CDH13: variants seen among roughly 807,000 people sequenced by gnomAD.
The protein encoded by CDH13 is cadherin-13.
Under a neutral mutation model 63.8 loss-of-function variants are expected in CDH13, and 24 were observed. The observed-to-expected ratio is 0.38, with a 90% CI of 0.27 to 0.53. The LOEUF is 0.53. Ranked by LOEUF, CDH13 falls within the 20% of genes least tolerant of loss-of-function variation. The pLI is 0.85. For missense variants in CDH13, 1,049 were observed against 903.1 expected (o/e 1.16, Z -2.07); for synonymous variants, 503 against 355.3 (o/e 1.42, Z -4.67).
At chr16:83,243,069 T>G (rs575810124) in intron 5 of CDH13, among the ~76,000 whole-genome samples, 1 of 152,274 alleles carries the variant, frequency 6.6e-6, no homozygotes, top group South Asian at 2.1e-4. Context: ...GGTGAGTAAT[T>G]GGTACAGCCA....
At chr16:82,792,933 G>A (rs8051796) in intron 1 of CDH13, among the ~76,000 whole-genome samples, 1,995 of 151,718 alleles carry the variant, frequency 0.013, 17 homozygotes, top group Non-Finnish European at 0.022. Flanking sequence ...TTGGAGGGAC[G>A]ACAGCATTGG....
At chr16:83,294,354 A>G (rs1184247586) in intron 5 of CDH13, among the ~76,000 whole-genome samples, 1 of 152,104 alleles carries the variant, frequency 6.6e-6, no homozygotes, top group East Asian at 1.9e-4. Flanking sequence ...TCCAATTGAA[A>G]TGTTCTATCT....
intron 5 of CDH13, among the ~76,000 whole-genome samples, chr16:83,287,011 G>A (rs1192741412): frequency 2.0e-5 from 3 of 151,924 alleles, no homozygotes; most frequent in Non-Finnish European, 4.4e-5. Context: ...CCTTTCATCT[G>A]GAAGATAATG....
rs1338041202 is a variant in CDH13 at position 82,797,611 on chromosome 16, C to T, written c.46-60751C>T. Among the ~76,000 whole-genome samples the T allele has an allele frequency of 2.6e-5, 4 of 152,138 alleles. No homozygotes were observed. The South Asian group carries it at 8.3e-4, about 31-fold the overall frequency. ...GAAAACAAAGAGACTTCCTCCACTC[C>T]ATGCAAACACATGTTGATTCTCATT... On this transcript the variant is annotated intron_variant, in intron 1 of 13. Transcript: ENST00000567109.
chr16:83,774,875 A>G (rs2151002263), intron 11 of CDH13, among the ~76,000 whole-genome samples: 1 of 152,320 alleles, frequency 6.6e-6, no homozygotes, highest in Admixed American at 6.5e-5. Context: ...TGTTCCCACA[A>G]CAATTTGAAT....
chr16:83,596,705 A>G (rs891021887), intron 7 of CDH13, among the ~76,000 whole-genome samples: 7 of 152,144 alleles, frequency 4.6e-5, no homozygotes, highest in African/African-American at 1.7e-4. Context: ...GGTCAGAGGC[A>G]AGTGGAAGGT....
At chr16:83,687,051 A>C (rs533880156) in intron 10 of CDH13, among the ~76,000 whole-genome samples, 49 of 152,136 alleles carry the variant, frequency 3.2e-4, no homozygotes, top group Non-Finnish European at 6.6e-4. Context: ...CTGTACTAAA[A>C]ATACAAAAAA....
intron 5 of CDH13, among the ~76,000 whole-genome samples, chr16:83,259,518 T>C (rs1394831538): frequency 1.3e-5 from 2 of 152,178 alleles, no homozygotes; most frequent in Non-Finnish European, 2.9e-5. Flanking sequence ...GTTGATTACA[T>C]TATGTTACAA....
chr16:83,482,320 G>T (rs1014549489), intron 6 of CDH13, among the ~76,000 whole-genome samples: 1 of 152,174 alleles, frequency 6.6e-6, no homozygotes, highest in Non-Finnish European at 1.5e-5. Flanking sequence ...CTAGGACCAT[G>T]TGGCCCATCA....
At chr16:83,707,010 C>G (rs899980895) in intron 10 of CDH13, among the ~76,000 whole-genome samples, 1 of 152,148 alleles carries the variant, frequency 6.6e-6, no homozygotes, top group Admixed American at 6.5e-5. Context: ...GGGGTAAACT[C>G]ATGGGAAAAT....
rs1910050591 is a variant in CDH13, at chr16:82,646,003, GACAAAAGTT to G, written c.45+18867_45+18875del. On this transcript the variant is annotated intron_variant, in intron 1 of 13. Transcript: ENST00000567109. ...ATAAAAAGTATTTGCATCTCTACTG[GACAAAAGTT>G]GACCACTTAAGTGGTGACTTCACAA... Among the ~76,000 whole-genome samples, 3 of 152,296 alleles carry G rather than the reference GACAAAAGTT, an allele frequency of 2.0e-5. 1 individual carries two copies. The highest frequency in any genetic ancestry group is 6.8e-3 in the Middle Eastern group (2 of 294).
At chr16:82,937,637 G>T (rs540177052) in intron 2 of CDH13, among the ~76,000 whole-genome samples, 1 of 152,282 alleles carries the variant, frequency 6.6e-6, no homozygotes, top group Admixed American at 6.5e-5. Context: ...ATATATTGTT[G>T]CAAACAGAAG....
Position 83,421,080 on chromosome 16 carries a change from A to G in CDH13, c.782-65397A>G, listed in dbSNP as rs144536958. Among the ~76,000 whole-genome samples, 379 of 152,322 alleles carry G rather than the reference A, an allele frequency of 2.5e-3. 10 individuals are homozygous for G. The East Asian group carries it at 0.068, about 27-fold the overall frequency. ...AAAGCTGTGTAAGTGGATAAGATTA[A>G]TAAGGGATAATGTGAAGGGAGATGA... On this transcript the variant is annotated intron_variant, in intron 6 of 13. Transcript: ENST00000567109.
chr16:83,221,332 T>G (rs1191305042), intron 5 of CDH13, among the ~76,000 whole-genome samples: 3 of 152,094 alleles, frequency 2.0e-5, no homozygotes, highest in Admixed American at 6.5e-5. Flanking sequence ...CAGAAAAACT[T>G]CCCCAGCTTC....
chr16:83,647,840 C>G (rs920165427), intron 8 of CDH13, among the ~76,000 whole-genome samples: 1 of 152,116 alleles, frequency 6.6e-6, no homozygotes, highest in Non-Finnish European at 1.5e-5. Flanking sequence ...CTGGTCAGTC[C>G]TACCTGGGTC....
chr16:82,813,080 G>A (rs2037525393), intron 1 of CDH13, among the ~76,000 whole-genome samples: 2 of 152,166 alleles, frequency 1.3e-5, no homozygotes, highest in African/African-American at 4.8e-5. Context: ...CCCCATCTTA[G>A]AGAAGAGCCT....
intron 3 of CDH13, among the ~76,000 whole-genome samples, chr16:83,088,786 T>G (rs2033742320): frequency 6.6e-6 from 1 of 152,146 alleles, no homozygotes; most frequent in South Asian, 2.1e-4. Context: ...TTATGGTAAT[T>G]TTTTTTGCCA....
intron 10 of CDH13, among the ~76,000 whole-genome samples, chr16:83,731,376 A>G (rs556423763): frequency 9.1e-4 from 139 of 152,284 alleles, no homozygotes; most frequent in Non-Finnish European, 1.7e-3. Flanking sequence ...GTGAGATGGT[A>G]TCTCATTGTG....
At chr16:82,779,241 C>T (rs1021441437) in intron 1 of CDH13, among the ~76,000 whole-genome samples, 10 of 152,192 alleles carry the variant, frequency 6.6e-5, no homozygotes, top group African/African-American at 2.4e-4. Context: ...ATGAGAAAAC[C>T]GAGGTGTAGG....
Sources: gnomAD v4.1 joint callset for allele counts (sites outside exome capture counted in the v4.1 genomes callset) on GRCh38, gnomAD v4.1.1 for gene constraint, MANE v1.5 for transcripts, NCBI Gene and HGNC (gene_info 2026-07-23, HGNC 2026-07-21) for gene names.